Variants in ANXA8 observed in about 807,000 individuals in gnomAD.
The protein encoded by ANXA8 is annexin A8, also known as VAC-beta.
Under a neutral mutation model 26.8 loss-of-function variants are expected in ANXA8, and 9 were observed. That is an observed-to-expected ratio of 0.34 (90% confidence interval 0.20 to 0.59). The LOEUF is 0.59. ANXA8 is among the 20% of genes least tolerant of loss of function. The pLI, the probability that ANXA8 is intolerant of heterozygous loss-of-function variation, is 0.84. For missense variants in ANXA8, 83 were observed against 238.5 expected (o/e 0.35, Z 4.29); for synonymous variants, 39 against 94.8 (o/e 0.41, Z 3.42).
At chr10:47,558,475 T>C in the ANXA8 span, among the ~76,000 whole-genome samples, 39,354 of 150,546 alleles carry the variant, frequency 0.26, 5,930 homozygotes, top group East Asian at 0.52. Flanking sequence ...GACCAAAGAC[T>C]CAGTTGATCC....
At chr10:47,496,011 G>T in the ANXA8 span, among the ~76,000 whole-genome samples, 2 of 151,594 alleles carry the variant, frequency 1.3e-5, no homozygotes, top group African/African-American at 4.9e-5. Flanking sequence ...ACTTGGGAAG[G>T]CAGGGCTGAG....
the ANXA8 span, among the ~76,000 whole-genome samples, chr10:47,901,736 AC>A: frequency 7.5e-6 from 1 of 134,172 alleles, no homozygotes; most frequent in Non-Finnish European, 1.6e-5. Flanking sequence ...ACAATTTACC[AC>A]ATAAGAGTCT....
At chr10:47,719,641 CCTG>C in the ANXA8 span, among the ~76,000 whole-genome samples, 1 of 99,886 alleles carries the variant, frequency 1.0e-5, no homozygotes, top group South Asian at 3.9e-4. Context: ...GCCAAGTAAA[CCTG>C]CTCTCAGTTG....
the ANXA8 span, among the ~76,000 whole-genome samples, chr10:47,733,213 C>CTTTCTTTCTTTCTTTCTTTCTT: frequency 1.5e-5 from 1 of 68,432 alleles, no homozygotes; most frequent in Admixed American, 1.6e-4. Context: ...TTCTTTCTTT[C>CTTTCTTTCTTTCTTTCTTTCTT]TTTCTTTCTC....
the ANXA8 span, among the ~76,000 whole-genome samples, chr10:47,671,908 G>A: frequency 4.0e-5 from 6 of 150,862 alleles, no homozygotes; most frequent in South Asian, 1.0e-3. Flanking sequence ...GTGCCCAATT[G>A]GTTTCTTTTA....
chr10:47,560,838 G>T, the ANXA8 span, among the ~76,000 whole-genome samples: 1 of 151,826 alleles, frequency 6.6e-6, no homozygotes, highest in Non-Finnish European at 1.5e-5. Flanking sequence ...TTGAGAAAAG[G>T]TCTGGCTCTG....
chr10:47,580,432 A>T, the ANXA8 span, among the ~76,000 whole-genome samples: 1 of 151,366 alleles, frequency 6.6e-6, no homozygotes, highest in African/African-American at 2.5e-5. Flanking sequence ...AATACATTTT[A>T]AAAGGTCAAA....
the ANXA8 span, among the ~76,000 whole-genome samples, chr10:47,975,944 C>T: frequency 6.7e-6 from 1 of 148,980 alleles, no homozygotes; most frequent in Non-Finnish European, 1.5e-5. Flanking sequence ...ATATTCAGAA[C>T]AACTTTCCTG....
chr10:47,740,927 A>G, the ANXA8 span, among the ~76,000 whole-genome samples: 2 of 151,694 alleles, frequency 1.3e-5, no homozygotes, highest in African/African-American at 4.8e-5. Flanking sequence ...AGAATCTGCC[A>G]AACAGTGCTC....
At chr10:47,982,365 G>C in the ANXA8 span, among the ~76,000 whole-genome samples, 1 of 151,384 alleles carries the variant, frequency 6.6e-6, no homozygotes, top group African/African-American at 2.4e-5. Flanking sequence ...TAGGAATCAA[G>C]ATAGCCCAAT....
the ANXA8 span, among the ~76,000 whole-genome samples, chr10:47,585,734 G>T: frequency 1.1e-5 from 1 of 87,934 alleles, no homozygotes. Flanking sequence ...GATTCGGGTT[G>T]CTTGATTTTT....
At chr10:47,704,579 AG>A in the ANXA8 span, among the ~76,000 whole-genome samples, 1 of 151,036 alleles carries the variant, frequency 6.6e-6, no homozygotes, top group African/African-American at 2.4e-5. Context: ...AGATATGTAA[AG>A]ATTGGAAAGG....
At chr10:47,743,847 G>A in the ANXA8 span, among the ~76,000 whole-genome samples, 5 of 146,190 alleles carry the variant, frequency 3.4e-5, no homozygotes, top group East Asian at 2.2e-4. Flanking sequence ...GGACACCGCC[G>A]TCTGCAGGCT....
At chr10:47,668,817 C>T in the ANXA8 span, among the ~76,000 whole-genome samples, 2 of 151,604 alleles carry the variant, frequency 1.3e-5, no homozygotes, top group Non-Finnish European at 2.9e-5. Flanking sequence ...ATTGGAAGCT[C>T]TTAGTACCTC....
At chr10:47,724,248 T>C in the ANXA8 span, among the ~76,000 whole-genome samples, 2 of 134,110 alleles carry the variant, frequency 1.5e-5, 1 homozygote, top group Non-Finnish European at 3.2e-5. Flanking sequence ...AGGCCTCATC[T>C]GAGTCCCTAC....
At chr10:47,582,034 C>A in the ANXA8 span, among the ~76,000 whole-genome samples, 5 of 150,050 alleles carry the variant, frequency 3.3e-5, no homozygotes. Context: ...TGAGACACAA[C>A]AAGGGTGTAT....
At chr10:47,498,063 A>AGG in the ANXA8 span, among the ~76,000 whole-genome samples, 1 of 138,382 alleles carries the variant, frequency 7.2e-6, no homozygotes, top group African/African-American at 2.7e-5. Context: ...GGGTTGGGTA[A>AGG]TGTATATTCA....
chr10:47,674,347 G>C, the ANXA8 span, among the ~76,000 whole-genome samples: 1 of 150,894 alleles, frequency 6.6e-6, no homozygotes, highest in Non-Finnish European at 1.5e-5. Flanking sequence ...GCCTAGGCTG[G>C]TCTTGAACTC....
chr10:47,600,487 T>G, the ANXA8 span, among the ~76,000 whole-genome samples: 1 of 149,018 alleles, frequency 6.7e-6, no homozygotes, highest in South Asian at 2.1e-4. Flanking sequence ...CCTGTCGGGA[T>G]GTTGCATACT....
Sources: gnomAD v4.1 joint callset for allele counts (sites outside exome capture counted in the v4.1 genomes callset) on GRCh38, gnomAD v4.1.1 for gene constraint, MANE v1.5 for transcripts, NCBI Gene and HGNC (gene_info 2026-07-23, HGNC 2026-07-21) for gene names.